PCDH15: variants seen among roughly 807,000 people sequenced by gnomAD.
PCDH15 encodes protocadherin related 15, also known as protocadherin-15.
PCDH15 carries 129 observed loss-of-function variants against 178.5 expected under a neutral mutation model. The ratio of observed to expected loss-of-function variants is 0.72; its 90% CI spans 0.63 to 0.84. PCDH15 has a LOEUF of 0.84. Ranked by LOEUF, PCDH15 falls within the 40% of genes least tolerant of loss-of-function variation. PCDH15 has a pLI of 0.00. For missense variants in PCDH15, 2,230 were observed against 2,099.9 expected (o/e 1.06, Z -1.21); for synonymous variants, 800 against 732.0 (o/e 1.09, Z -1.50).
intron 2 of PCDH15, among the ~76,000 whole-genome samples, chr10:55,474,050 C>T (rs11004882): frequency 0.22 from 32,819 of 151,978 alleles, 4,437 homozygotes; most frequent in East Asian, 0.34. Context: ...CAAGACCATG[C>T]CACTTCCCAC....
chr10:55,570,878 T>C (rs1842395956), intron 2 of PCDH15, among the ~76,000 whole-genome samples: 1 of 152,110 alleles, frequency 6.6e-6, no homozygotes, highest in African/African-American at 2.4e-5. Context: ...TCTGTTTAGC[T>C]TGGCATTAGC....
intron 3 of PCDH15, among the ~76,000 whole-genome samples, chr10:54,500,562 G>A (rs2137401039): frequency 6.6e-6 from 1 of 152,232 alleles, no homozygotes; most frequent in East Asian, 1.9e-4. Context: ...AGGCCCGGTG[G>A]TTCACAGGTG....
chr10:55,374,950 C>A (rs1845584980), intron 2 of PCDH15, among the ~76,000 whole-genome samples: 2 of 150,818 alleles, frequency 1.3e-5, no homozygotes, highest in Admixed American at 6.6e-5. Flanking sequence ...TAAACATTTA[C>A]TATGATGAAT....
intron 1 of PCDH15, among the ~76,000 whole-genome samples, chr10:54,771,259 A>C (rs1396666388): frequency 6.6e-6 from 1 of 151,962 alleles, no homozygotes; most frequent in Non-Finnish European, 1.5e-5. Flanking sequence ...GTTGGCAAAG[A>C]GAAAGGAGGA....
At chr10:54,877,936 C>CTTTTTTTTTTTTTTTTTTTTT (rs1954176789) in intron 3 of PCDH15, among the ~76,000 whole-genome samples, 2 of 104,352 alleles carry the variant, frequency 1.9e-5, no homozygotes, top group Non-Finnish European at 4.0e-5. Context: ...CTCTCTCTCT[C>CTTTTTTTTTTTTTTTTTTTTT]TCTTTTTTTT....
At chr10:54,793,285 C>T (rs112389670) in intron 1 of PCDH15, among the ~76,000 whole-genome samples, 2,968 of 151,900 alleles carry the variant, frequency 0.02, 40 homozygotes, top group Admixed American at 0.029. Context: ...CAAGTCAATT[C>T]TCTATTTTCA....
chr10:53,870,035 A>T (rs2079725139), intron 26 of PCDH15, among the ~76,000 whole-genome samples: 1 of 152,258 alleles, frequency 6.6e-6, no homozygotes, highest in South Asian at 2.1e-4. Flanking sequence ...CATTTGGAAA[A>T]GAAAAGGTGG....
intron 2 of PCDH15, among the ~76,000 whole-genome samples, chr10:55,389,721 TC>T (rs1235464941): frequency 1.3e-5 from 2 of 152,104 alleles, no homozygotes; most frequent in African/African-American, 4.8e-5. Flanking sequence ...AACAATGAAG[TC>T]TAATTTTCAG....
At chr10:55,070,638 A>G (rs1344564043) in intron 2 of PCDH15, among the ~76,000 whole-genome samples, 1 of 151,604 alleles carries the variant, frequency 6.6e-6, no homozygotes, top group East Asian at 1.9e-4. Flanking sequence ...ATTGATCTAT[A>G]TCTGTTTTGG....
At chr10:54,200,341 C>T (rs555791185) in intron 10 of PCDH15, among the ~76,000 whole-genome samples, 15 of 129,736 alleles carry the variant, frequency 1.2e-4, no homozygotes, top group South Asian at 5.0e-4. Flanking sequence ...TTGTTACGTA[C>T]GCATACACGT....
At chr10:54,281,011 A>C (rs2058671932) in intron 8 of PCDH15, among the ~76,000 whole-genome samples, 1 of 151,930 alleles carries the variant, frequency 6.6e-6, no homozygotes, top group African/African-American at 2.4e-5. Context: ...GTATGTATAT[A>C]TACACAGAAA....
intron 2 of PCDH15, among the ~76,000 whole-genome samples, chr10:55,626,704 G>A (rs1439821305): frequency 6.6e-6 from 1 of 152,106 alleles, no homozygotes; most frequent in Non-Finnish European, 1.5e-5. Context: ...CCTGTTATTA[G>A]CTAATGTGTA....
At chr10:54,644,677 T>G (rs2094082797) in intron 2 of PCDH15, among the ~76,000 whole-genome samples, 1 of 152,192 alleles carries the variant, frequency 6.6e-6, no homozygotes, top group Admixed American at 6.5e-5. Context: ...AATAACAGTT[T>G]CTTTGCAAAG....
chr10:54,469,828 G>A (rs1018521918), intron 3 of PCDH15, among the ~76,000 whole-genome samples: 1 of 152,124 alleles, frequency 6.6e-6, no homozygotes, highest in Non-Finnish European at 1.5e-5. Flanking sequence ...ATCTGTACTG[G>A]TGTTGGTGGT....
At chr10:53,849,434 A>G (rs2132901698) in intron 28 of PCDH15, among the ~76,000 whole-genome samples, 1 of 152,330 alleles carries the variant, frequency 6.6e-6, no homozygotes, top group African/African-American at 2.4e-5. Flanking sequence ...CATTAAAATA[A>G]GAAACATATC....
intron 25 of PCDH15, among the ~76,000 whole-genome samples, chr10:53,934,118 T>C (rs1380809158): frequency 2.0e-5 from 3 of 151,494 alleles, no homozygotes; most frequent in African/African-American, 7.3e-5. Context: ...TACAGTAATG[T>C]GCTCTAATAC....
intron 2 of PCDH15, among the ~76,000 whole-genome samples, chr10:55,125,163 T>TTGTGTGTGTGTGTGTG (rs34423359): frequency 0.023 from 3,314 of 142,982 alleles, 48 homozygotes; most frequent in South Asian, 0.026. Flanking sequence ...TTTTTTTTAA[T>TTGTGTGTGTGTGTGTG]TGTGTGTGTG....
intron 2 of PCDH15, among the ~76,000 whole-genome samples, chr10:55,523,361 A>C (rs1273636907): frequency 6.6e-6 from 1 of 151,596 alleles, no homozygotes; most frequent in Non-Finnish European, 1.5e-5. Context: ...AAATTAAAAA[A>C]TTAATAATAT....
intron 2 of PCDH15, among the ~76,000 whole-genome samples, chr10:54,907,323 T>G (rs1370280259): frequency 6.6e-6 from 1 of 152,198 alleles, no homozygotes; most frequent in Non-Finnish European, 1.5e-5. Context: ...GTATTTCTTC[T>G]TTTTTATATT....
Sources: gnomAD v4.1 joint callset for allele counts (sites outside exome capture counted in the v4.1 genomes callset) on GRCh38, gnomAD v4.1.1 for gene constraint, MANE v1.5 for transcripts, NCBI Gene and HGNC (gene_info 2026-07-23, HGNC 2026-07-21) for gene names.